UNC5C: variants seen among roughly 807,000 people sequenced by gnomAD.
UNC5C encodes the protein netrin receptor UNC5C.
A neutral mutation model predicts 99.8 loss-of-function variants in UNC5C; 47 were observed. The observed-to-expected ratio is 0.47, with a 90% CI of 0.37 to 0.60. The LOEUF (loss-of-function observed/expected upper bound fraction) is 0.60, where lower values mean the gene tolerates loss of function less well. Among genes scored for constraint, UNC5C ranks in the 20% least tolerant of loss-of-function variants. The pLI, the probability that UNC5C is intolerant of heterozygous loss-of-function variation, is 0.00. For synonymous variants in UNC5C, 487 were observed against 452.2 expected (o/e 1.08, Z -0.98); for missense variants, 1,062 against 1,165.9 (o/e 0.91, Z 1.30).
At position 95,170,418 on chromosome 4, in the gene UNC5C, T is replaced by C. The variant is rs548849539; in HGVS notation, c.2452-86A>G. On this transcript the variant is annotated intron_variant, in intron 14 of 15. Coordinates refer to ENST00000453304, the MANE Select transcript of UNC5C (RefSeq NM_003728.4). The stretch of plus-strand genomic sequence containing the variant: ...GAACCAATCAACATAATGCCTTGCT[T>C]TGAGTGATAAGAAAAGAATGAATGC... 29 of 1,442,836 alleles carry C rather than the reference T, an allele frequency of 2.0e-5. No homozygotes were observed. In the East Asian group the frequency reaches 5.3e-4, roughly 26 times the overall value. The allele number at this position is 1,442,836 out of a possible 1,614,324, so 89.4% of individuals were successfully genotyped here.
chr4:95,200,557 A>G (rs558916138), intron 12 of UNC5C, among the ~76,000 whole-genome samples: 1 of 152,262 alleles, frequency 6.6e-6, no homozygotes, highest in Non-Finnish European at 1.5e-5. Context: ...TGCCTTATAG[A>G]TAAAATGAAG....
intron 7 of UNC5C, among the ~76,000 whole-genome samples, chr4:95,237,187 A>T (rs538369126): frequency 1.7e-4 from 26 of 152,252 alleles, no homozygotes; most frequent in Middle Eastern, 6.8e-3. Flanking sequence ...ACTTGGTTGA[A>T]TCCACAGATG....
At chr4:95,333,023 A>G (rs1342188496) in intron 2 of UNC5C, among the ~76,000 whole-genome samples, 1 of 152,216 alleles carries the variant, frequency 6.6e-6, no homozygotes, top group Non-Finnish European at 1.5e-5. Flanking sequence ...ACAATGAGAT[A>G]CCATCCCACA....
chr4:95,197,531 T>C (rs1283284680), intron 12 of UNC5C, among the ~76,000 whole-genome samples: 2 of 152,062 alleles, frequency 1.3e-5, no homozygotes, highest in African/African-American at 4.8e-5. Flanking sequence ...GAGGCTGAAG[T>C]AAAAGGTTTG....
chr4:95,300,940 A>G (rs1208370999), intron 3 of UNC5C, among the ~76,000 whole-genome samples: 17 of 152,118 alleles, frequency 1.1e-4, no homozygotes. Flanking sequence ...AAATAACTAA[A>G]AGAGTATAAC....
chr4:95,353,908 A>G (rs997902847), intron 1 of UNC5C, among the ~76,000 whole-genome samples: 2 of 152,152 alleles, frequency 1.3e-5, no homozygotes, highest in Non-Finnish European at 2.9e-5. Flanking sequence ...TATTACTTCA[A>G]TTCAGTGAAA....
intron 3 of UNC5C, among the ~76,000 whole-genome samples, chr4:95,286,026 A>G (rs1467489542): frequency 6.6e-6 from 1 of 152,130 alleles, no homozygotes; most frequent in Non-Finnish European, 1.5e-5. Context: ...TCAGCTTATA[A>G]ATGGGTATAA....
At chr4:95,438,557 C>T (rs146323651) in intron 1 of UNC5C, among the ~76,000 whole-genome samples, 1 of 152,134 alleles carries the variant, frequency 6.6e-6, no homozygotes, top group East Asian at 1.9e-4. Context: ...TAGCTTTTTG[C>T]TGATACATAG....
chr4:95,539,925 CTTT>C (rs61346866), intron 1 of UNC5C, among the ~76,000 whole-genome samples: 67 of 145,868 alleles, frequency 4.6e-4, no homozygotes, highest in African/African-American at 1.6e-3. Flanking sequence ...CATCCTTCTA[CTTT>C]TTTTTTTTTT....
chr4:95,360,678 A>T (rs1744361827), intron 1 of UNC5C, among the ~76,000 whole-genome samples: 1 of 152,190 alleles, frequency 6.6e-6, no homozygotes, highest in Non-Finnish European at 1.5e-5. Context: ...GCTGAAACAG[A>T]CGAGAGTGAT....
intron 10 of UNC5C, among the ~76,000 whole-genome samples, chr4:95,211,530 T>C (rs1036554994): frequency 6.6e-6 from 1 of 152,336 alleles, no homozygotes; most frequent in East Asian, 1.9e-4. Flanking sequence ...GCAAAATGTC[T>C]TCTTTATGAG....
intron 1 of UNC5C, among the ~76,000 whole-genome samples, chr4:95,383,447 AT>A (rs1277755910): frequency 9.2e-5 from 14 of 152,140 alleles, no homozygotes; most frequent in Admixed American, 9.2e-4. Context: ...TCTTCTACTG[AT>A]TTTATGTTTT....
intron 14 of UNC5C, among the ~76,000 whole-genome samples, chr4:95,181,709 G>A (rs116469382): frequency 0.028 from 4,308 of 152,200 alleles, 68 homozygotes; most frequent in Middle Eastern, 0.068. Context: ...AGTTGTTTAT[G>A]AGTCAAAAGT....
intron 14 of UNC5C, among the ~76,000 whole-genome samples, chr4:95,175,215 T>G (rs1176963472): frequency 6.6e-6 from 1 of 150,890 alleles, no homozygotes; most frequent in Non-Finnish European, 1.5e-5. Context: ...AGTCTGTGTC[T>G]TTTAATTGGA....
At chr4:95,383,116 A>G (rs1211885088) in intron 1 of UNC5C, among the ~76,000 whole-genome samples, 2 of 152,234 alleles carry the variant, frequency 1.3e-5, no homozygotes, top group Non-Finnish European at 2.9e-5. Flanking sequence ...CCAAAGTTTA[A>G]TCCAATATCA....
intron 1 of UNC5C, among the ~76,000 whole-genome samples, chr4:95,485,103 AGTAAT>A (rs958687565): frequency 9.9e-5 from 15 of 151,798 alleles, no homozygotes; most frequent in African/African-American, 3.6e-4. Flanking sequence ...TTCTTTCTTT[AGTAAT>A]GTAATATCTT....
chr4:95,425,385 G>A (rs1007702386), intron 1 of UNC5C, among the ~76,000 whole-genome samples: 1 of 152,270 alleles, frequency 6.6e-6, no homozygotes, highest in Non-Finnish European at 1.5e-5. Context: ...GCAGTGGCGC[G>A]ATCTCGGCTC....
At chr4:95,517,328 G>A (rs942422003) in intron 1 of UNC5C, among the ~76,000 whole-genome samples, 2 of 151,954 alleles carry the variant, frequency 1.3e-5, no homozygotes, top group African/African-American at 4.8e-5. Context: ...ATGAATTAGG[G>A]GATTTCTAAC....
In UNC5C at chr4:95,357,473, A is replaced by G. The variant is rs1449915466; in HGVS notation, c.125-21842T>C. The stretch of plus-strand genomic sequence containing the variant: ...TATGCTGTTACATGTTCCTTATTAA[A>G]AAGCTATTATTAAAAAACTAAAATA... On this transcript the variant is annotated intron_variant, in intron 1 of 15. Coordinates refer to ENST00000453304, the MANE Select transcript of UNC5C (RefSeq NM_003728.4). 2.6e-5 allele frequency among the ~76,000 whole-genome samples: 4 copies of G among 151,768 alleles called. No individual in the cohort carries two copies. In the East Asian group the frequency reaches 7.8e-4, roughly 29 times the overall value.
Sources: gnomAD v4.1 joint callset for allele counts (sites outside exome capture counted in the v4.1 genomes callset) on GRCh38, gnomAD v4.1.1 for gene constraint, MANE v1.5 for transcripts, NCBI Gene and HGNC (gene_info 2026-07-23, HGNC 2026-07-21) for gene names.